The following MYO16 variants were observed in gnomAD, a reference collection of about 807,000 sequenced individuals.
The protein encoded by MYO16 is myosin XVI.
A neutral mutation model predicts 205.3 loss-of-function variants in MYO16; 94 were observed. That is an observed-to-expected ratio of 0.46 (90% CI 0.39 to 0.54). The LOEUF (loss-of-function observed/expected upper bound fraction) is 0.54. MYO16 is among the 20% of genes least tolerant of loss of function. MYO16 has a pLI of 0.00. For synonymous variants in MYO16, 988 were observed against 954.0 expected (o/e 1.04, Z -0.66); for missense variants, 2,315 against 2,387.5 (o/e 0.97, Z 0.63).
Position 109,047,005 on chromosome 13 carries a change from T to C in MYO16, c.2872+14T>C. On this transcript the variant is annotated intron_variant, in intron 24 of 34. Coordinates refer to ENST00000457511, the MANE Select transcript of MYO16 (RefSeq NM_001198950.3). ...TTGTAATGAAAAGTAAGTTGATTTT[T>C]TTTCCTGCCCTACACTGGTTAAAAT... The C allele has an allele frequency of 6.4e-7, 1 of 1,574,250 alleles. No individual in the cohort carries two copies. Among genetic ancestry groups the C allele is most frequent in the Non-Finnish European group, 8.7e-7 (1 of 1,144,106 alleles).
At chr13:109,088,344 T>A (rs1273077309) in intron 27 of MYO16, among the ~76,000 whole-genome samples, 1 of 152,158 alleles carries the variant, frequency 6.6e-6, no homozygotes, top group Non-Finnish European at 1.5e-5. Context: ...GCTGAGACAC[T>A]TCTAATTTAG....
At chr13:108,511,647 TG>T in the MYO16 span, among the ~76,000 whole-genome samples, 1 of 52 alleles carries the variant, frequency 0.019, no homozygotes, top group Non-Finnish European at 0.045. Context: ...AATTGATTTT[TG>T]TATAAGGTGT....
chr13:109,050,053 G>A (rs773721347), intron 24 of MYO16, among the ~76,000 whole-genome samples: 11 of 151,422 alleles, frequency 7.3e-5, no homozygotes, highest in Non-Finnish European at 1.3e-4. Context: ...CCTGAGACGG[G>A]ACATTATCTT....
At chr13:109,089,191 T>TATC (rs767053858) in intron 27 of MYO16, among the ~76,000 whole-genome samples, 2 of 89,842 alleles carry the variant, frequency 2.2e-5, no homozygotes, top group African/African-American at 3.8e-5. Context: ...TTTTCTGCAT[T>TATC]ATTATTATTA....
At chr13:108,856,216 C>T (rs1317473020) in intron 11 of MYO16, among the ~76,000 whole-genome samples, 1 of 152,174 alleles carries the variant, frequency 6.6e-6, no homozygotes, top group Admixed American at 6.6e-5. Context: ...TTCTCTTCCA[C>T]TCTCTGATTT....
Position 108,793,585 on chromosome 13 carries a change from A to G in MYO16, c.686A>G (p.His229Arg). ...ATGAGTATGTTAACAGATGTCAAAC[A>G]CTTCTTATCATCTGGAGGAAATGTC... The part of the protein sequence containing the change: ...RPMSMLTDVK[H>R]FLSSGGNVNE... The change falls in exon 6 of 35, where the codon CAC (histidine) becomes CGC (arginine). Residue 229 changes from histidine to arginine, a missense_variant. Transcript: ENST00000457511. The G allele has an allele frequency of 6.2e-7, 1 of 1,613,936 alleles. No individual in the cohort carries two copies. The highest frequency in any genetic ancestry group is 8.5e-7 in the Non-Finnish European group (1 of 1,179,832).
chr13:108,990,378 C>T (rs995797503), intron 20 of MYO16, among the ~76,000 whole-genome samples: 3 of 152,092 alleles, frequency 2.0e-5, no homozygotes, highest in Admixed American at 6.6e-5. Context: ...ACGAATGACA[C>T]AATACATTTT....
chr13:108,699,322 TA>T (rs1883211997), intron 2 of MYO16, among the ~76,000 whole-genome samples: 1 of 152,078 alleles, frequency 6.6e-6, no homozygotes, highest in Non-Finnish European at 1.5e-5. Context: ...TGGTGTTCTT[TA>T]TTTTTGTTTT....
chr13:108,605,051 A>G (rs2139306142), intron 1 of MYO16, among the ~76,000 whole-genome samples: 1 of 152,282 alleles, frequency 6.6e-6, no homozygotes, highest in East Asian at 1.9e-4. Context: ...GTGGGAAACA[A>G]ACCATATCGG....
At chr13:108,560,267 T>C in the MYO16 span, among the ~76,000 whole-genome samples, 1 of 152,190 alleles carries the variant, frequency 6.6e-6, no homozygotes, top group Non-Finnish European at 1.5e-5. Context: ...CAGCAGAGCT[T>C]CGCTGGCGTG....
chr13:108,559,637 C>G, the MYO16 span, among the ~76,000 whole-genome samples: 1 of 151,714 alleles, frequency 6.6e-6, no homozygotes, highest in African/African-American at 2.4e-5. Flanking sequence ...CCACGCCCGG[C>G]TAATTTTTTG....
At chr13:108,898,351 A>AGTGTGTGTGCGTGTGT (rs1880534766) in intron 15 of MYO16, among the ~76,000 whole-genome samples, 1 of 144,992 alleles carries the variant, frequency 6.9e-6, no homozygotes, top group Non-Finnish European at 1.5e-5. Context: ...AGGGTGTGTG[A>AGTGTGTGTGCGTGTGT]GTGTGTGTGT....
chr13:109,194,863 A>G (rs997503209), intron 34 of MYO16, among the ~76,000 whole-genome samples: 1 of 152,186 alleles, frequency 6.6e-6, no homozygotes, highest in African/African-American at 2.4e-5. Flanking sequence ...AACAGAGTTC[A>G]TACAAGATCC....
Position 108,758,718 on chromosome 13 carries a change from A to G in MYO16, c.508-26917A>G, listed in dbSNP as rs143292638. On this transcript the variant is annotated intron_variant, in intron 4 of 34. Transcript: ENST00000457511. ...GGGGAGCTGAGTGGCATGTTTGTTA[A>G]TAGATCAAGCTCCACAAAATACGAT... 1.8e-4 allele frequency among the ~76,000 whole-genome samples: 27 copies of G among 152,330 alleles called. 1 individual carries two copies. In the East Asian group the frequency reaches 5.0e-3, roughly 28 times the overall value.
intron 24 of MYO16, among the ~76,000 whole-genome samples, chr13:109,049,716 A>T (rs1474833653): frequency 2.0e-5 from 3 of 149,490 alleles, no homozygotes; most frequent in Non-Finnish European, 4.5e-5. Flanking sequence ...ATAACTATAA[A>T]TAATTATTTA....
At chr13:108,873,230 AT>A (rs1879151012) in intron 12 of MYO16, among the ~76,000 whole-genome samples, 1 of 152,252 alleles carries the variant, frequency 6.6e-6, no homozygotes, top group Admixed American at 6.5e-5. Context: ...CAAGAAAAAA[AT>A]AAAACATTAA....
chr13:108,962,160 AC>A (rs1292500073), intron 18 of MYO16, among the ~76,000 whole-genome samples: 1 of 152,234 alleles, frequency 6.6e-6, no homozygotes, highest in Non-Finnish European at 1.5e-5. Flanking sequence ...CTGGAAAAAA[AC>A]AATTCCATAC....
intron 31 of MYO16, among the ~76,000 whole-genome samples, chr13:109,130,011 AAGTT>A (rs1182291289): frequency 1.3e-5 from 2 of 152,006 alleles, no homozygotes; most frequent in South Asian, 2.1e-4. Flanking sequence ...ATTAAAATAA[AAGTT>A]AGGAACCATA....
At chr13:109,168,898 G>A (rs994564192) in intron 33 of MYO16, among the ~76,000 whole-genome samples, 9 of 151,970 alleles carry the variant, frequency 5.9e-5, no homozygotes, top group Admixed American at 1.3e-4. Context: ...GTACAGTGTC[G>A]GTATGGTCAA....
Sources: allele counts gnomAD v4.1 joint callset (sites outside exome capture counted in the v4.1 genomes callset), GRCh38; gene constraint gnomAD v4.1.1; transcripts MANE v1.5; gene names NCBI Gene and HGNC (gene_info 2026-07-23, HGNC 2026-07-21).